NOTCH1: variants seen among roughly 807,000 people sequenced by gnomAD.
NOTCH1 encodes the protein notch receptor 1, also known as neurogenic locus notch homolog protein 1.
In NOTCH1, 37 loss-of-function variants were observed where a neutral mutation model predicts 254.8. That is an observed-to-expected ratio of 0.15 (90% CI 0.11 to 0.19). NOTCH1 has a LOEUF of 0.19. Among genes scored for constraint, NOTCH1 ranks in the 10% least tolerant of loss-of-function variants. The probability of loss-of-function intolerance (pLI) is 1.00; values close to 1 mark genes in which losing one functional copy is unlikely to be tolerated. For missense variants in NOTCH1, 2,972 were observed against 3,708.6 expected (o/e 0.80, Z 5.16); for synonymous variants, 1,731 against 1,618.1 (o/e 1.07, Z -1.68).
rs759643831 is a variant in NOTCH1, at chr9:136,499,133, C to T, written c.6061G>A (p.Val2021Ile). ...LEDLINSHAD[V>I]NAVDDLGKSA... Reference sequence around the variant, plus strand: ...TCACCCAGGTCATCTACGGCGTTGACGTCGGCGTGTGAGTTGATGAGGTCC... The same window carrying T: ...TCACCCAGGTCATCTACGGCGTTGATGTCGGCGTGTGAGTTGATGAGGTCC... The change falls in exon 32 of 34, where the codon GTC becomes ATC. Residue 2021 changes from valine to isoleucine, a missense_variant. This residue lies in a region of NOTCH1 where 421 missense variants were observed against 604.4 expected (regional missense o/e 0.70). Transcript: ENST00000651671. 14 of 1,613,114 alleles carry T rather than the reference C, an allele frequency of 8.7e-6. No individual in the cohort carries two copies. The highest frequency in any genetic ancestry group is 5.0e-5 in the Admixed American group (3 of 60,006).
rs1449656726 is a variant in NOTCH1 at position 136,540,189 on chromosome 9, T to C, written c.140+3835A>G. 6.6e-6 allele frequency among the ~76,000 whole-genome samples: 1 copy of C among 152,130 alleles called. No individual in the cohort carries two copies. Among genetic ancestry groups the C allele is most frequent in the African/African-American group, 2.4e-5 (1 of 41,432 alleles). ...GCACACCCCCAACATGTCCCACATG[T>C]GAGCTAGGTGCCTCTCTCACGCCTT... On this transcript the variant is annotated intron_variant, in intron 2 of 33. Transcript: ENST00000651671. This position sits in a 1 kb window ranked among gnomAD's most constrained non-coding sequence, Gnocchi z 4.4.
intron 31 of NOTCH1, 58 bp from the exon 32 acceptor site, chr9:136,499,317 G>T: frequency 6.3e-7 from 1 of 1,595,510 alleles, no homozygotes; most frequent in Non-Finnish European, 8.5e-7. Flanking sequence ...GATGCCTCCT[G>T]CCCAGAACGA....
intron 27 of NOTCH1, 170 bp downstream of exon 27, chr9:136,503,012 G>C: frequency 2.1e-6 from 2 of 965,292 alleles, no homozygotes; most frequent in South Asian, 1.4e-5. Context: ...GACCGCCGCA[G>C]GTGGGGGCGG....
chr9:136,532,805 T>G (rs2133390636), intron 2 of NOTCH1, among the ~76,000 whole-genome samples: 1 of 152,268 alleles, frequency 6.6e-6, no homozygotes, highest in East Asian at 1.9e-4. Context: ...AAGAAGTCCG[T>G]GGCCTGTGTT....
At chr9:136,498,757 G>T (rs763403238) in intron 33 of NOTCH1, 142 bp downstream of exon 33, 27 of 913,030 alleles carry the variant, frequency 3.0e-5, no homozygotes, top group Non-Finnish European at 4.6e-5. Flanking sequence ...CGCATCATGC[G>T]GGTGGGGCCC....
At chr9:136,536,913 G>T (rs1011932820) in intron 2 of NOTCH1, among the ~76,000 whole-genome samples, 2 of 152,272 alleles carry the variant, frequency 1.3e-5, no homozygotes, top group African/African-American at 4.8e-5. Flanking sequence ...AGCACCAGGC[G>T]TGTGGACGCT....
At chr9:136,507,477 G>A (rs376615480) in intron 21 of NOTCH1, 40 bp from the exon 22 acceptor site, 19 of 1,570,850 alleles carry the variant, frequency 1.2e-5, no homozygotes, top group Admixed American at 1.9e-5. Flanking sequence ...CGGCTCAGCC[G>A]GCGCCAGGAT....
In NOTCH1 at chr9:136,505,367, T is replaced by C. The variant is rs2133338715; in HGVS notation, c.4529A>G (p.Asn1510Ser). ...GCCGTCGAAGAGGCAGCCGGCTGAG[T>C]TGCACTGGCTGTCACAGTGGCCGTC... ...FSDGHCDSQC[N>S]SAGCLFDGFD... Residue 1510 changes from asparagine (N) to serine (S), a missense_variant, in exon 25 of 34, where the codon AAC becomes AGC. Asn to Ser is a conservative substitution (Grantham distance 46). Around this residue, in one of 8 missense-constraint regions of NOTCH1, gnomAD observed 1,343 missense variants for 1,557.0 expected, o/e 0.86. Transcript: ENST00000651671. 1 of 1,609,694 alleles carries C rather than the reference T, an allele frequency of 6.2e-7. No homozygotes were observed. Among genetic ancestry groups the C allele is most frequent in the Non-Finnish European group, 8.5e-7 (1 of 1,178,844 alleles).
Position 136,501,867 on chromosome 9 carries a change from T to C in NOTCH1, c.5519A>G (p.His1840Arg), listed in dbSNP as rs927761523. ...VLPDLDDQTD[H>R]RQWTQQHLDA... ...CAGGTGCTGCTGAGTCCACTGCCGGTGGTCTGTCTGGTCGTCCAGGTCAGG... is the reference window on the plus strand; with the variant it reads ...CAGGTGCTGCTGAGTCCACTGCCGGCGGTCTGTCTGGTCGTCCAGGTCAGG... The change falls in exon 30 of 34, where the codon CAC becomes CGC. Residue 1840 changes from histidine (H) to arginine (R), a missense_variant. His to Arg is a conservative substitution (Grantham distance 29, BLOSUM62 0). Around this residue, in one of 8 missense-constraint regions of NOTCH1, gnomAD observed 421 missense variants for 604.4 expected, o/e 0.70. Coordinates refer to ENST00000651671, the MANE Select transcript of NOTCH1 (RefSeq NM_017617.5). The C allele has an allele frequency of 6.2e-7, 1 of 1,612,398 alleles. No individual in the cohort carries two copies. Among genetic ancestry groups the C allele is most frequent in the African/African-American group, 1.3e-5 (1 of 75,004 alleles).
chr9:136,497,493 G>A lies in NOTCH1; in HGVS notation c.6246C>T (p.Asp2082=). The A allele has an allele frequency of 6.2e-7, 1 of 1,612,056 alleles. No individual in the cohort carries two copies. Among genetic ancestry groups the A allele is most frequent in the Non-Finnish European group, 8.5e-7 (1 of 1,179,762 alleles). ...CCGTGATGTCCCGGTTGGCAAAGTG[G>A]TCCAGCAGCACCTTGGCGGTCTCGT... The part of the protein sequence containing the change: ...GSYETAKVLL[D]HFANRDITDH... Residue 2082 remains aspartate (D), a synonymous_variant, in exon 34 of 34, where the codon GAC becomes GAT. Coordinates refer to ENST00000651671, the MANE Select transcript of NOTCH1 (RefSeq NM_017617.5).
rs759639844 is a variant in NOTCH1 at position 136,501,994 on chromosome 9, G to C, written c.5472+7C>G. The C allele has an allele frequency of 6.2e-7, 1 of 1,612,706 alleles. No individual in the cohort carries two copies. The highest frequency in any genetic ancestry group is 1.3e-5 in the African/African-American group (1 of 75,018). ...GAGCCCAGGAGCCCGGGAGCCTCGCGACTCACCCGGAACTTCTTGGTCTCC... is the reference window on the plus strand; with the variant it reads ...GAGCCCAGGAGCCCGGGAGCCTCGCCACTCACCCGGAACTTCTTGGTCTCC... On this transcript the variant is annotated splice_region_variant and intron_variant, in intron 29 of 33. Coordinates refer to ENST00000651671, the MANE Select transcript of NOTCH1 (RefSeq NM_017617.5).
At position 136,510,405 on chromosome 9, in the gene NOTCH1, A is replaced by G. The variant is rs1023356996; in HGVS notation, c.2740+248T>C. ...GCCGGGCCCGAGCCATCCTCGGCTCAGTGAAGAGCCGTGGGAGGGGCTCTC... is the reference window on the plus strand; with the variant it reads ...GCCGGGCCCGAGCCATCCTCGGCTCGGTGAAGAGCCGTGGGAGGGGCTCTC... On this transcript the variant is annotated intron_variant, in intron 17 of 33. Transcript: ENST00000651671. The G allele has an allele frequency of 5.0e-5, 30 of 599,520 alleles. No homozygotes were observed. In the African/African-American group the frequency reaches 5.6e-4, roughly 11 times the overall value. 37.1% of individuals were successfully genotyped at this position (599,520 alleles called of 1,614,324 possible).
In NOTCH1 at chr9:136,513,707, C is replaced by T. The variant is rs1843219576; in HGVS notation, c.2208-170G>A. ...GGCGCTGTGGCTCACACCTGTAATC[C>T]CAGCACTTTGGGAGGCGGGGGTGGC... is the stretch of plus-strand genomic sequence containing the variant. On this transcript the variant is annotated intron_variant, in intron 13 of 33. Transcript: ENST00000651671. The surrounding 1 kb of genome is among the most constrained non-coding windows in gnomAD (Gnocchi z 4.7). 6.6e-6 allele frequency among the ~76,000 whole-genome samples: 1 copy of T among 152,176 alleles called. No homozygotes were observed. The highest frequency in any genetic ancestry group is 1.5e-5 in the Non-Finnish European group (1 of 68,028).
Position 136,545,654 on chromosome 9 carries a change from G to T in NOTCH1, c.61+72C>A, listed in dbSNP as rs1199440912. 5 of 1,274,668 alleles carry T rather than the reference G, an allele frequency of 3.9e-6. No individual in the cohort carries two copies. The African/African-American group carries it at 4.7e-5, about 12-fold the overall frequency. The allele number at this position is 1,274,668 out of a possible 1,614,324, so 79.0% of individuals were successfully genotyped here. A position where few individuals can be genotyped will look rare whatever the true frequency, so the allele number is the denominator to read the frequency against. On this transcript the variant is annotated intron_variant, in intron 1 of 33. Transcript: ENST00000651671. The surrounding 1 kb of genome is among the most constrained non-coding windows in gnomAD (Gnocchi z 6.8). ...CGCCGCCCGCTCCCAGCCGTGGGGC[G>T]CGCGCGCCGGGCGCCGCCAAAGTTT...
In NOTCH1 at chr9:136,506,277, C is replaced by T. The variant is rs1323590174; in HGVS notation, c.4014+250G>A. On this transcript the variant is annotated intron_variant, in intron 24 of 33. Coordinates refer to ENST00000651671, the MANE Select transcript of NOTCH1 (RefSeq NM_017617.5). This position sits in a 1 kb window ranked among gnomAD's most constrained non-coding sequence, Gnocchi z 4.5. ...AAATCCAGAGTGAAATTGATGCAAG[C>T]TGCTAACCAGGGGAACTGCGTGCAG... 6.6e-6 allele frequency among the ~76,000 whole-genome samples: 1 copy of T among 152,078 alleles called. No homozygotes were observed. Among genetic ancestry groups the T allele is most frequent in the Non-Finnish European group, 1.5e-5 (1 of 68,014 alleles).
intron 29 of NOTCH1, 35 bp downstream of exon 29, chr9:136,501,966 C>T (rs748489789): frequency 1.1e-5 from 18 of 1,611,440 alleles, no homozygotes; most frequent in African/African-American, 5.3e-5. Context: ...AGCAGGTGCC[C>T]GGGAGCCCAG....
intron 2 of NOTCH1, among the ~76,000 whole-genome samples, chr9:136,533,878 C>CCTTTGGA (rs1454847419): frequency 6.6e-6 from 1 of 152,246 alleles, no homozygotes; most frequent in Non-Finnish European, 1.5e-5. Flanking sequence ...GCGCCAGTTT[C>CCTTTGGA]CTCCTTTGGA....
intron 6 of NOTCH1, 73 bp downstream of exon 6, chr9:136,518,518 C>T: frequency 7.1e-7 from 1 of 1,413,492 alleles, no homozygotes; most frequent in South Asian, 1.2e-5. Flanking sequence ...GCCACAGTCC[C>T]TGGGTGAGGT....
At chr9:136,505,186 G>A in intron 25 of NOTCH1, 82 bp from the exon 26 acceptor site, 1 of 1,535,160 alleles carries the variant, frequency 6.5e-7, no homozygotes, top group Non-Finnish European at 8.8e-7. Context: ...CCACTGGCCA[G>A]CCGCGGGGGA....
Sources: gnomAD v4.1 joint callset for allele counts (sites outside exome capture counted in the v4.1 genomes callset) on GRCh38, gnomAD v4.1.1 for gene constraint, gnomAD v4.1.1 regional missense constraint, Gnocchi (gnomAD v3.1) non-coding constraint, MANE v1.5 for transcripts, NCBI Gene and HGNC (gene_info 2026-07-23, HGNC 2026-07-21) for gene names.